The following SSC4D variants were observed in gnomAD, a reference collection of about 807,000 sequenced individuals.
The protein encoded by SSC4D is scavenger receptor cysteine rich family member with 4 domains, also known as scavenger receptor cysteine-rich domain-containing group B protein.
SSC4D carries 57 observed loss-of-function variants against 63.4 expected under a neutral mutation model. The observed-to-expected ratio is 0.90, with a 90% CI of 0.73 to 1.12. The LOEUF (loss-of-function observed/expected upper bound fraction) is 1.12. Among genes scored for constraint, SSC4D ranks in the 50% most tolerant of loss-of-function variants. The pLI is 0.00. For missense variants in SSC4D, 791 were observed against 806.4 expected (o/e 0.98, Z 0.23); for synonymous variants, 352 against 345.4 (o/e 1.02, Z -0.21).
Position 76,404,364 on chromosome 7 carries a change from T to TC in SSC4D, c.75dup (p.Ser26GlufsTer59). On this transcript the variant is annotated frameshift_variant, in exon 2 of 11. Transcript: ENST00000275560. LOFTEE classifies it high-confidence loss of function. ...TGGGGGAGGAAGGGAGGGGCAGCAC[T>TC]CCCATCTCCCAACCTCCACCCCCAG... 1 of 1,613,548 alleles carries TC rather than the reference T, an allele frequency of 6.2e-7. No homozygotes were observed. The highest frequency in any genetic ancestry group is 1.1e-5 in the South Asian group (1 of 91,062).
chr7:76,405,518 CAT>C (rs1380487126), intron 1 of SSC4D, among the ~76,000 whole-genome samples: 2 of 150,006 alleles, frequency 1.3e-5, no homozygotes, highest in Non-Finnish European at 3.0e-5. Flanking sequence ...TATGGTGACA[CAT>C]GTCTGTAGCT....
chr7:76,393,406 T>G lies in SSC4D; in HGVS notation c.1332A>C (p.Ala444=), dbSNP rs765772984. Residue 444 remains alanine, a splice_region_variant and synonymous_variant, in exon 9 of 11, where the codon GCA becomes GCC. Coordinates refer to ENST00000275560, the MANE Select transcript of SSC4D (RefSeq NM_080744.2). ...GHHEDAGALC[A]GPEELGLQVQ... ...CCTCACCTTCGCTGTCAGCCTCACC[T>G]GCGCAGAGCGCTCCCGCGTCCTCGT... is the stretch of plus-strand genomic sequence containing the variant. The G allele has an allele frequency of 6.9e-7, 1 of 1,442,114 alleles. No individual in the cohort carries two copies. The highest frequency in any genetic ancestry group is 1.4e-5 in the South Asian group (1 of 70,370). The allele number at this position is 1,442,114 out of a possible 1,614,324, so 89.3% of individuals were successfully genotyped here.
rs182383717 is a variant in SSC4D at position 76,395,649 on chromosome 7, C to T, written c.869-319G>A. Among the ~76,000 whole-genome samples, 46 of 152,304 alleles carry T rather than the reference C, an allele frequency of 3.0e-4. 1 individual carries two copies. The highest frequency in any genetic ancestry group is 5.1e-4 in the Non-Finnish European group (35 of 68,026). On this transcript the variant is annotated intron_variant, in intron 6 of 10. Transcript: ENST00000275560. ...AGACATGGAGTACAGAAGGCCTTGC[C>T]CATCAGGGAGGACCATACACAGGCC...
At position 76,393,554 on chromosome 7, in the gene SSC4D, C is replaced by G; in HGVS notation, c.1184G>C (p.Gly395Ala). The G allele has an allele frequency of 6.6e-7, 1 of 1,519,754 alleles. No individual in the cohort carries two copies. Among genetic ancestry groups the G allele is most frequent in the Non-Finnish European group, 8.8e-7 (1 of 1,140,614 alleles). The allele number at this position is 1,519,754 out of a possible 1,614,324, so 94.1% of individuals were successfully genotyped here. Residue 395 changes from glycine (G) to alanine (A), a missense_variant, in exon 9 of 11, where the codon GGA becomes GCA. Transcript: ENST00000275560. The part of the protein sequence containing the change: ...AGCGPALGAT[G>A]LGHFGYGRGP... Reference sequence around the variant, plus strand: ...GCGGCCGTAGCCGAAGTGGCCCAGTCCCGTAGCGCCCAGCGCAGGCCCGCA... The same window carrying G: ...GCGGCCGTAGCCGAAGTGGCCCAGTGCCGTAGCGCCCAGCGCAGGCCCGCA...
At position 76,389,650 on chromosome 7, in the gene SSC4D, G is replaced by A. The variant is rs1804449525; in HGVS notation, c.*409C>T. Reference sequence around the variant, plus strand: ...CCCCTCCTGCCTTCCCTCTTCTTGGGGATCCCAAGATGGGTTGGGGGAAGA... The same window carrying A: ...CCCCTCCTGCCTTCCCTCTTCTTGGAGATCCCAAGATGGGTTGGGGGAAGA... On this transcript the variant is annotated 3_prime_UTR_variant, in exon 11 of 11. Transcript: ENST00000275560. 5.4e-6 allele frequency: 1 copy of A among 185,546 alleles called. No homozygotes were observed. The highest frequency in any genetic ancestry group is 2.4e-5 in the African/African-American group (1 of 42,082). The allele number at this position is 185,546 out of a possible 1,614,324, so 11.5% of individuals were successfully genotyped here. A position where few individuals can be genotyped will look rare whatever the true frequency, so the allele number is the denominator to read the frequency against.
At chr7:76,394,853 A>G (rs1300186503) in intron 7 of SSC4D, among the ~76,000 whole-genome samples, 1 of 143,964 alleles carries the variant, frequency 6.9e-6, no homozygotes, top group Non-Finnish European at 1.5e-5. Flanking sequence ...TAAGATATAT[A>G]TAATATATAT....
At position 76,397,836 on chromosome 7, in the gene SSC4D, G is replaced by A; in HGVS notation, c.554-4C>T. 1.3e-6 allele frequency: 2 copies of A among 1,556,854 alleles called. No homozygotes were observed. The highest frequency in any genetic ancestry group is 4.7e-5 in the East Asian group (2 of 42,840). Reference sequence around the variant, plus strand: ...ACCAGGCGTACGCTGCCCTCACCTGGGGATGGGGGCGGGGGTCAGGGCGCA... The same window carrying A: ...ACCAGGCGTACGCTGCCCTCACCTGAGGATGGGGGCGGGGGTCAGGGCGCA... On this transcript the variant is annotated splice_polypyrimidine_tract_variant and splice_region_variant and intron_variant, in intron 5 of 10. Coordinates refer to ENST00000275560, the MANE Select transcript of SSC4D (RefSeq NM_080744.2).
At chr7:76,396,865 A>G (rs1395595829) in intron 6 of SSC4D, among the ~76,000 whole-genome samples, 1 of 152,170 alleles carries the variant, frequency 6.6e-6, no homozygotes, top group Non-Finnish European at 1.5e-5. Flanking sequence ...AAATACTATT[A>G]TTAGAGCATC....
chr7:76,390,189 C>T lies in SSC4D; in HGVS notation c.1598G>A (p.Gly533Asp). The T allele has an allele frequency of 6.2e-7, 1 of 1,614,212 alleles. No individual in the cohort carries two copies. Among genetic ancestry groups the T allele is most frequent in the Non-Finnish European group, 8.5e-7 (1 of 1,180,044 alleles). Residue 533 changes from glycine to aspartate, a missense_variant, in exon 11 of 11, where the codon GGC (glycine) becomes GAC (aspartate). Transcript: ENST00000275560. ...CTTGACATTGTCCAGGAGAATGGGG[C>T]CTCGGCCTGGGCCAAAGTGAGCCTC... ...PGEAHFGPGR[G>D]PILLDNVKCR... is the part of the protein sequence containing the mutation.
chr7:76,396,799 A>G (rs1804651130), intron 6 of SSC4D, among the ~76,000 whole-genome samples: 1 of 152,196 alleles, frequency 6.6e-6, no homozygotes, highest in African/African-American at 2.4e-5. Context: ...TATTGGCCCT[A>G]TTATTCCTCT....
rs114127209 is a variant in SSC4D at position 76,399,483 on chromosome 7, G to A, written c.476-686C>T. Among the ~76,000 whole-genome samples the A allele has an allele frequency of 5.2e-3, 784 of 152,098 alleles. 9 individuals carry two copies. Among genetic ancestry groups the A allele is most frequent in the African/African-American group, 0.017 (699 of 41,488 alleles). The stretch of plus-strand genomic sequence containing the variant: ...ACTAGAAGCACTGCTCTCAGTTTCC[G>A]CTGCAGCTCTATGCCACGTGGAGCG... On this transcript the variant is annotated intron_variant, in intron 4 of 10. Transcript: ENST00000275560.
intron 1 of SSC4D, among the ~76,000 whole-genome samples, chr7:76,405,345 T>TC (rs1364831511): frequency 6.6e-4 from 69 of 105,040 alleles, no homozygotes; most frequent in African/African-American, 1.2e-3. Context: ...CTTTCTTTTT[T>TC]TTTTTTTTTT....
intron 6 of SSC4D, 122 bp from the exon 7 acceptor site, chr7:76,395,452 C>A: frequency 1.0e-6 from 1 of 990,374 alleles, no homozygotes; most frequent in Admixed American, 2.3e-5. Context: ...ACTTCCAGGG[C>A]TGGTGGCCCA....
In SSC4D at chr7:76,400,584, C is replaced by T; in HGVS notation, c.177G>A (p.Arg59=). The change falls in exon 4 of 11, where the codon AGG becomes AGA. Residue 59 remains arginine, a synonymous_variant. Transcript: ENST00000275560. Reference sequence around the variant, plus strand: ...GGCAGCGGCTGGGGCCCCCCACCAGCCTCAGCTCTGTGAAGAGGGTGGAGC... The same window carrying T: ...GGCAGCGGCTGGGGCCCCCCACCAGTCTCAGCTCTGTGAAGAGGGTGGAGC... ...QPTPLPFQEL[R]LVGGPSRCRG... is the part of the protein sequence containing the mutation. 2 of 1,472,152 alleles carry T rather than the reference C, an allele frequency of 1.4e-6. No homozygotes were observed. Among genetic ancestry groups the T allele is most frequent in the South Asian group, 2.8e-5 (2 of 72,666 alleles). 91.2% of individuals were successfully genotyped at this position (1,472,152 alleles called of 1,614,324 possible).
intron 2 of SSC4D, among the ~76,000 whole-genome samples, chr7:76,402,986 G>A (rs1013377797): frequency 1.3e-5 from 2 of 152,158 alleles, no homozygotes; most frequent in African/African-American, 2.4e-5. Context: ...TTCTTTAGGC[G>A]AACTCAGTTA....
intron 1 of SSC4D, among the ~76,000 whole-genome samples, chr7:76,408,424 T>TG (rs974713904): frequency 1.3e-5 from 2 of 151,998 alleles, no homozygotes; most frequent in African/African-American, 4.8e-5. Flanking sequence ...TTGCTTGTTG[T>TG]GGGGGGGCAC....
chr7:76,401,519 C>T (rs375128483), intron 2 of SSC4D, among the ~76,000 whole-genome samples: 4 of 152,066 alleles, frequency 2.6e-5, no homozygotes, highest in East Asian at 1.9e-4. Context: ...GGGGTTCAAG[C>T]GATTCTTCTG....
chr7:76,402,365 A>G (rs992468041), intron 2 of SSC4D, among the ~76,000 whole-genome samples: 4 of 151,970 alleles, frequency 2.6e-5, no homozygotes, highest in African/African-American at 9.7e-5. Flanking sequence ...TTTTTTAGGT[A>G]GAAATGGGGT....
chr7:76,390,524 A>G lies in SSC4D; in HGVS notation c.1412-149T>C, dbSNP rs544970982. 4.4e-5 allele frequency: 33 copies of G among 755,932 alleles called. No homozygotes were observed. The African/African-American group carries it at 5.1e-4, about 12-fold the overall frequency. The allele number at this position is 755,932 out of a possible 1,614,324, so 46.8% of individuals were successfully genotyped here. On this transcript the variant is annotated intron_variant, in intron 10 of 10. Transcript: ENST00000275560. ...GAAGGCAGACACATGAAATTAAAGTAAGATTGGCGCTGGCTGGGCACAATG... is the reference window on the plus strand; with the variant it reads ...GAAGGCAGACACATGAAATTAAAGTGAGATTGGCGCTGGCTGGGCACAATG...
Sources: allele counts gnomAD v4.1 joint callset (sites outside exome capture counted in the v4.1 genomes callset), GRCh38; gene constraint gnomAD v4.1.1; transcripts MANE v1.5; gene names NCBI Gene and HGNC (gene_info 2026-07-23, HGNC 2026-07-21).